The following PHTF2 variants were observed in gnomAD, a reference collection of about 807,000 sequenced individuals.
The protein encoded by PHTF2 is putative homeodomain transcription factor 2.
PHTF2 carries 60 observed loss-of-function variants against 101.2 expected under a neutral mutation model. That is an observed-to-expected ratio of 0.59 (90% confidence interval 0.48 to 0.73). The LOEUF (loss-of-function observed/expected upper bound fraction) is 0.73, where lower values mean the gene tolerates loss of function less well. Ranked by LOEUF, PHTF2 falls within the 30% of genes least tolerant of loss-of-function variation. PHTF2 has a pLI of 0.00. For missense variants in PHTF2, 747 were observed against 908.7 expected, an observed-to-expected ratio of 0.82 and a Z score of 2.29; for synonymous variants, 311 against 307.3, an observed-to-expected ratio of 1.01 and a Z score of -0.13.
chr7:77,915,993 G>GTGTC (rs1411873958), intron 9 of PHTF2, among the ~76,000 whole-genome samples: 1 of 151,848 alleles, frequency 6.6e-6, no homozygotes, highest in Admixed American at 6.6e-5. Context: ...GTGTGTGTGT[G>GTGTC]TGTGTGTGTG....
chr7:77,955,160 A>G, exon 20 of PHTF2: 1 of 218,036 alleles, frequency 4.6e-6, no homozygotes, highest in East Asian at 8.9e-5. Context: ...AATTGGTCAT[A>G]AATAATTGGC....
At chr7:77,900,915 GA>G in intron 6 of PHTF2, 135 bp downstream of exon 5, 1 of 592,260 alleles carries the variant, frequency 1.7e-6, no homozygotes, top group African/African-American at 1.9e-5. Flanking sequence ...TAATTTATAA[GA>G]AAAGAGGCTT....
chr7:77,933,363 A>G (rs990034681), intron 12 of PHTF2, among the ~76,000 whole-genome samples: 1 of 152,244 alleles, frequency 6.6e-6, no homozygotes, highest in East Asian at 1.9e-4. Flanking sequence ...GAAGGAAATG[A>G]AATCAGGAAG....
intron 16 of PHTF2, among the ~76,000 whole-genome samples, chr7:77,946,757 C>T (rs1806080241): frequency 6.6e-6 from 1 of 152,000 alleles, no homozygotes; most frequent in East Asian, 1.9e-4. Flanking sequence ...CAGACAGAGG[C>T]CTAAAGCTAG....
At chr7:77,842,656 G>A (rs1431671722) in intron 2 of PHTF2, among the ~76,000 whole-genome samples, 1 of 152,150 alleles carries the variant, frequency 6.6e-6, no homozygotes, top group African/African-American at 2.4e-5. Context: ...ATAGCTCATT[G>A]GTTCTGAAAC....
At chr7:77,935,228 T>TC (rs1805003536) in intron 12 of PHTF2, among the ~76,000 whole-genome samples, 1 of 137,184 alleles carries the variant, frequency 7.3e-6, no homozygotes, top group South Asian at 2.5e-4. Context: ...TTTTTTTTTT[T>TC]TTTTTTTTTT....
chr7:77,889,910 A>G (rs1800226446), intron 3 of PHTF2, among the ~76,000 whole-genome samples: 1 of 151,926 alleles, frequency 6.6e-6, no homozygotes, highest in Non-Finnish European at 1.5e-5. Flanking sequence ...ATCTGGTAGT[A>G]TTTCCAAAAC....
intron 19 of PHTF2, among the ~76,000 whole-genome samples, chr7:77,954,617 T>TATATAG (rs1347768875): frequency 7.2e-5 from 7 of 96,958 alleles, no homozygotes; most frequent in African/African-American, 2.0e-4. Context: ...ACTGTGTATA[T>TATATAG]ATATATATAT....
intron 9 of PHTF2, among the ~76,000 whole-genome samples, chr7:77,913,295 G>A (rs1802580596): frequency 1.3e-5 from 2 of 151,592 alleles, no homozygotes; most frequent in East Asian, 3.9e-4. Context: ...GGCTAGGGCA[G>A]GAGAATTGCT....
intron 1 of PHTF2, among the ~76,000 whole-genome samples, chr7:77,822,398 TG>T (rs1293437869): frequency 6.6e-6 from 1 of 151,918 alleles, no homozygotes; most frequent in Non-Finnish European, 1.5e-5. Flanking sequence ...GAGGTGGCTC[TG>T]GTCTCAAGAT....
chr7:77,896,592 C>G (rs553481574), intron 5 of PHTF2, among the ~76,000 whole-genome samples: 1 of 152,126 alleles, frequency 6.6e-6, no homozygotes, highest in South Asian at 2.1e-4. Flanking sequence ...AACTTATCAT[C>G]CTCCCTACTC....
exon 4 of PHTF2, chr7:77,893,620 G>T: frequency 7.1e-7 from 1 of 1,413,680 alleles, no homozygotes; most frequent in South Asian, 1.2e-5. Flanking sequence ...TGGAGCATAT[G>T]ATCAACAAAT....
chr7:77,891,038 G>T (rs1800355969), intron 3 of PHTF2, among the ~76,000 whole-genome samples: 1 of 150,666 alleles, frequency 6.6e-6, no homozygotes. Context: ...CTCCTGAGTA[G>T]CTGGGACTAC....
intron 9 of PHTF2, among the ~76,000 whole-genome samples, chr7:77,913,387 GAAAAA>G (rs58943092): frequency 6.1e-5 from 6 of 98,196 alleles, no homozygotes; most frequent in Admixed American, 2.3e-4. Flanking sequence ...GACTCTGTCT[GAAAAA>G]AAAAAAAAAA....
chr7:77,818,757 T>G (rs1794050531), intron 1 of PHTF2, among the ~76,000 whole-genome samples: 1 of 152,192 alleles, frequency 6.6e-6, no homozygotes, highest in Admixed American at 6.5e-5. Context: ...CATATGTATT[T>G]TGGGATTGTT....
chr7:77,803,007 T>C (rs937801685), intron 1 of PHTF2, among the ~76,000 whole-genome samples: 2 of 152,222 alleles, frequency 1.3e-5, no homozygotes, highest in African/African-American at 4.8e-5. Context: ...GAAAACTGCA[T>C]TTTTAGTCCA....
intron 1 of PHTF2, among the ~76,000 whole-genome samples, chr7:77,830,855 A>T: frequency 6.6e-6 from 1 of 152,286 alleles, no homozygotes; most frequent in Non-Finnish European, 1.5e-5. Context: ...TACTTACCTT[A>T]TCCGTCCACA....
Position 77,849,569 on chromosome 7 carries a change from T to A in PHTF2, c.46-5164T>A, listed in dbSNP as rs553668064. 2.0e-5 allele frequency among the ~76,000 whole-genome samples: 3 copies of A among 152,322 alleles called. No homozygotes were observed. The South Asian group carries it at 6.2e-4, about 32-fold the overall frequency. On this transcript the variant is annotated intron_variant, in intron 2 of 19. Coordinates refer to ENST00000416283, the Ensembl canonical transcript of PHTF2. The stretch of plus-strand genomic sequence containing the variant: ...TTTTGTGGTTCCAAATAAATTAAAT[T>A]CTAGGATTATTTTTTCTATTTCTCT...
chr7:77,947,072 G>A (rs1195468303), intron 16 of PHTF2, among the ~76,000 whole-genome samples: 1 of 151,938 alleles, frequency 6.6e-6, no homozygotes, highest in Non-Finnish European at 1.5e-5. Flanking sequence ...AGTAAGCCAT[G>A]ATTGTGCCAC....
Sources: allele counts gnomAD v4.1 joint callset (sites outside exome capture counted in the v4.1 genomes callset), GRCh38; gene constraint gnomAD v4.1.1; transcripts MANE v1.5; gene names NCBI Gene and HGNC (gene_info 2026-07-23, HGNC 2026-07-21).